Variants in RPS6KA5 observed in about 807,000 individuals in gnomAD.
The protein encoded by RPS6KA5 is ribosomal protein S6 kinase A5.
Under a neutral mutation model 85.5 loss-of-function variants are expected in RPS6KA5, and 27 were observed. That is an observed-to-expected ratio of 0.32 (90% CI 0.23 to 0.44). The LOEUF (loss-of-function observed/expected upper bound fraction) is 0.44. Ranked by LOEUF, RPS6KA5 falls within the 20% of genes least tolerant of loss-of-function variation. RPS6KA5 has a pLI of 1.00. For missense variants in RPS6KA5, 811 were observed against 980.9 expected, an observed-to-expected ratio of 0.83 and a Z score of 2.31; for synonymous variants, 334 against 348.2, an observed-to-expected ratio of 0.96 and a Z score of 0.46.
intron 1 of RPS6KA5, among the ~76,000 whole-genome samples, chr14:91,038,058 A>C (rs2042470243): frequency 6.6e-6 from 1 of 152,224 alleles, no homozygotes; most frequent in Admixed American, 6.5e-5. Flanking sequence ...ACCTTGTAAG[A>C]AATCCATCTC....
In RPS6KA5 at chr14:90,978,286, T is replaced by C. The variant is rs750449782; in HGVS notation, c.394+20A>G. ...AAGAAAAGTGTTTTCATAAAAAGTC[T>C]GATAACAACTGACACTTACCTAAAA... On this transcript the variant is annotated intron_variant, in intron 3 of 16. Coordinates refer to ENST00000614987, the MANE Select transcript of RPS6KA5 (RefSeq NM_004755.4). 3.2e-6 allele frequency: 5 copies of C among 1,560,648 alleles called. No homozygotes were observed. Among genetic ancestry groups the C allele is most frequent in the Non-Finnish European group, 3.5e-6 (4 of 1,150,562 alleles).
In RPS6KA5 at chr14:90,876,370, CCT is replaced by C. The variant is rs546118719; in HGVS notation, c.1837-1012_1837-1011del. On this transcript the variant is annotated intron_variant, in intron 14 of 16. Coordinates refer to ENST00000614987, the MANE Select transcript of RPS6KA5 (RefSeq NM_004755.4). ...CCTTCCTATTTGATCTGTAATTACCCCTGTTTTTATTTTATTTTTCTCACTGT... is the reference window on the plus strand; with the variant it reads ...CCTTCCTATTTGATCTGTAATTACCCGTTTTTATTTTATTTTTCTCACTGT... Among the ~76,000 whole-genome samples, 387 of 152,216 alleles carry C rather than the reference CCT, an allele frequency of 2.5e-3. 2 individuals are homozygous for C. The highest frequency in any genetic ancestry group is 3.6e-3 in the Non-Finnish European group (242 of 68,012).
chr14:90,984,944 C>CTT (rs142922243), intron 2 of RPS6KA5, among the ~76,000 whole-genome samples: 64 of 145,782 alleles, frequency 4.4e-4, no homozygotes, highest in African/African-American at 1.4e-3. Context: ...AGCCTTTAAT[C>CTT]TTTTTTTTTT....
At chr14:91,022,057 T>C (rs2041807011) in intron 1 of RPS6KA5, among the ~76,000 whole-genome samples, 1 of 152,228 alleles carries the variant, frequency 6.6e-6, no homozygotes, top group South Asian at 2.1e-4. Flanking sequence ...CATTTAAATC[T>C]GGTGCACAAA....
intron 5 of RPS6KA5, among the ~76,000 whole-genome samples, chr14:90,940,266 C>T (rs1291638254): frequency 1.3e-5 from 2 of 152,076 alleles, no homozygotes; most frequent in Admixed American, 6.6e-5. Flanking sequence ...TAAATAAGGG[C>T]GCCTACTAAT....
chr14:91,056,426 C>T (rs1411994233), intron 1 of RPS6KA5, among the ~76,000 whole-genome samples: 2 of 152,152 alleles, frequency 1.3e-5, no homozygotes, highest in African/African-American at 2.4e-5. Flanking sequence ...GCTGAGAAGG[C>T]GGCGGTGTCT....
chr14:90,969,706 C>T (rs1206423869), intron 3 of RPS6KA5, among the ~76,000 whole-genome samples: 1 of 152,334 alleles, frequency 6.6e-6, no homozygotes, highest in Non-Finnish European at 1.5e-5. Context: ...TCCAGTAATA[C>T]TCTGGCTGAC....
chr14:90,862,286 G>C lies in RPS6KA5; in HGVS notation c.*9788C>G, dbSNP rs1192844843. Reference sequence around the variant, plus strand: ...CAATGGTGAATTATTTTAAACAGGAGGAATAATATCAGGTGCAAACTCTTC... The same window carrying C: ...CAATGGTGAATTATTTTAAACAGGACGAATAATATCAGGTGCAAACTCTTC... On this transcript the variant is annotated 3_prime_UTR_variant, in exon 17 of 17. Transcript: ENST00000614987. The C allele has an allele frequency of 1.3e-5, 2 of 151,924 alleles. No individual in the cohort carries two copies. Among genetic ancestry groups the C allele is most frequent in the Non-Finnish European group, 2.9e-5 (2 of 67,970 alleles). The allele number at this position is 151,924 out of a possible 1,614,324, so 9.4% of individuals were successfully genotyped here.
At chr14:90,938,544 A>G (rs1451638885) in intron 5 of RPS6KA5, among the ~76,000 whole-genome samples, 1 of 152,240 alleles carries the variant, frequency 6.6e-6, no homozygotes, top group African/African-American at 2.4e-5. Context: ...CCATTCCTGC[A>G]GCAAACGTCT....
intron 2 of RPS6KA5, among the ~76,000 whole-genome samples, chr14:90,994,664 T>C (rs2040442748): frequency 6.8e-6 from 1 of 147,332 alleles, no homozygotes; most frequent in African/African-American, 2.5e-5. Flanking sequence ...CTCCGCCTGC[T>C]GGGTTCATGC....
In RPS6KA5 at chr14:90,863,036, G is replaced by A. The variant is rs1366244337; in HGVS notation, c.*9038C>T. 1 of 151,636 alleles carries A rather than the reference G, an allele frequency of 6.6e-6. No homozygotes were observed. The highest frequency in any genetic ancestry group is 1.5e-5 in the Non-Finnish European group (1 of 67,920). 9.4% of individuals were successfully genotyped at this position (151,636 alleles called of 1,614,324 possible). A position where few individuals can be genotyped will look rare whatever the true frequency, so the allele number is the denominator to read the frequency against. On this transcript the variant is annotated 3_prime_UTR_variant, in exon 17 of 17. Coordinates refer to ENST00000614987, the MANE Select transcript of RPS6KA5 (RefSeq NM_004755.4). ...AACATAATATTGGGCTGGGTGAGGT[G>A]GCTCATGCCTGTAATCTCAGCACTT...
chr14:91,059,987 C>T, intron 1 of RPS6KA5: 1 of 967,162 alleles, frequency 1.0e-6, no homozygotes, highest in Non-Finnish European at 1.2e-6. Context: ...GCACCTTTCG[C>T]CCTGACAGGA....
intron 3 of RPS6KA5, among the ~76,000 whole-genome samples, chr14:90,962,496 T>C (rs1417832504): frequency 1.3e-5 from 2 of 152,026 alleles, no homozygotes; most frequent in African/African-American, 4.8e-5. Flanking sequence ...CATGTTAGCC[T>C]GGCTGGTCTC....
chr14:90,948,551 C>T (rs1456580509), intron 3 of RPS6KA5, among the ~76,000 whole-genome samples: 1 of 152,034 alleles, frequency 6.6e-6, no homozygotes, highest in Admixed American at 6.6e-5. Context: ...AAAAATTAAT[C>T]GGGCGTGGTG....
At chr14:91,038,046 T>C (rs2042469765) in intron 1 of RPS6KA5, among the ~76,000 whole-genome samples, 1 of 152,192 alleles carries the variant, frequency 6.6e-6, no homozygotes, top group Admixed American at 6.5e-5. Context: ...AGAACAAGTA[T>C]CACCTTGTAA....
At chr14:90,989,870 G>C (rs2040227572) in intron 2 of RPS6KA5, among the ~76,000 whole-genome samples, 1 of 152,118 alleles carries the variant, frequency 6.6e-6, no homozygotes, top group Non-Finnish European at 1.5e-5. Flanking sequence ...GGGCAGGTAG[G>C]GGGACAGGGC....
chr14:90,989,296 T>C (rs2040202463), intron 2 of RPS6KA5, among the ~76,000 whole-genome samples: 2 of 152,076 alleles, frequency 1.3e-5, no homozygotes, highest in South Asian at 4.1e-4. Flanking sequence ...ACAACAAGAG[T>C]GTCAAGATGC....
chr14:90,899,757 C>G (rs776037719), intron 11 of RPS6KA5, among the ~76,000 whole-genome samples: 4 of 152,172 alleles, frequency 2.6e-5, no homozygotes, highest in Non-Finnish European at 5.9e-5. Context: ...CTATCAGTAG[C>G]TTGCTAAATA....
rs781746657 is a variant in RPS6KA5, at chr14:90,902,766, G to A, written c.1119+42C>T. ...GGGAAATTTAATCTTTTCTTTCAAA[G>A]GACATATGGCCAATGTGCATGTGCA... is the stretch of plus-strand genomic sequence containing the variant. On this transcript the variant is annotated intron_variant, in intron 9 of 16. Transcript: ENST00000614987. The A allele has an allele frequency of 3.9e-6, 6 of 1,550,668 alleles. No individual in the cohort carries two copies. In the African/African-American group the frequency reaches 6.9e-5, roughly 18 times the overall value.
Sources: allele counts gnomAD v4.1 joint callset (sites outside exome capture counted in the v4.1 genomes callset), GRCh38; gene constraint gnomAD v4.1.1; transcripts MANE v1.5; gene names NCBI Gene and HGNC (gene_info 2026-07-23, HGNC 2026-07-21).